Variants in CHRNA4 observed in about 807,000 individuals in gnomAD.
The protein encoded by CHRNA4 is neuronal acetylcholine receptor subunit alpha-4.
A neutral mutation model predicts 48.9 loss-of-function variants in CHRNA4; 28 were observed. That is an observed-to-expected ratio of 0.57 (90% CI 0.42 to 0.79). CHRNA4 has a LOEUF of 0.79. CHRNA4 is among the 30% of genes least tolerant of loss of function. The probability of loss-of-function intolerance (pLI) is 0.00; values close to 1 mark genes in which losing one functional copy is unlikely to be tolerated. For synonymous variants in CHRNA4, 425 were observed against 402.3 expected, an observed-to-expected ratio of 1.06 and a Z score of -0.68; for missense variants, 859 against 898.4, an observed-to-expected ratio of 0.96 and a Z score of 0.56.
At chr20:63,354,580 T>G in intron 4 of CHRNA4, 2 of 530,002 alleles carry the variant, frequency 3.8e-6, no homozygotes, top group Non-Finnish European at 4.4e-6. Context: ...GGTGAGGCTG[T>G]GGAAGTGGGG....
chr20:63,350,980 A>C lies in CHRNA4; in HGVS notation c.431T>G (p.Phe144Cys), dbSNP rs2068588713. 3.7e-6 allele frequency: 6 copies of C among 1,613,552 alleles called. No individual in the cohort carries two copies. Among genetic ancestry groups the C allele is most frequent in the Non-Finnish European group, 5.1e-6 (6 of 1,180,008 alleles). ...AVTHLTKAHL[F>C]HDGRVQWTPP... is the part of the protein sequence containing the mutation. ...AGTCCACTGCACCCGCCCGTCATGG[A>C]ACAGGTGGGCCTTGGTCAGGTGGGT... The change falls in exon 5 of 6, where the codon TTC (phenylalanine) becomes TGC (cysteine). Residue 144 changes from phenylalanine to cysteine, a missense_variant. Coordinates refer to ENST00000370263, the MANE Select transcript of CHRNA4 (RefSeq NM_000744.7).
chr20:63,353,851 CG>C (rs2068663484), intron 4 of CHRNA4, among the ~76,000 whole-genome samples: 1 of 5,810 alleles, frequency 1.7e-4, no homozygotes, highest in African/African-American at 3.2e-4. Flanking sequence ...CTGTGACCCT[CG>C]GGGGGGCTGT....
chr20:63,359,474 C>T, intron 2 of CHRNA4, 74 bp downstream of exon 2: 1 of 1,591,738 alleles, frequency 6.3e-7, no homozygotes, highest in Non-Finnish European at 8.6e-7. Context: ...TGTGTCCCCT[C>T]TGCCCACCCA....
chr20:63,351,346 G>A (rs536753218), intron 4 of CHRNA4, among the ~76,000 whole-genome samples: 9 of 152,288 alleles, frequency 5.9e-5, no homozygotes, highest in Non-Finnish European at 1.0e-4. Context: ...TCACCTACTC[G>A]TGCACCTCAG....
At position 63,344,170 on chromosome 20, in the gene CHRNA4, C is replaced by T. The variant is rs199961012; in HGVS notation, c.*2568G>A. ...GGAGCTACGGACACACACAACAGCA[C>T]GGATGAAGCTCTAAGTCATAGGATG... On this transcript the variant is annotated 3_prime_UTR_variant, in exon 6 of 6. Coordinates refer to ENST00000370263, the MANE Select transcript of CHRNA4 (RefSeq NM_000744.7). This position sits in a 1 kb window ranked among gnomAD's most constrained non-coding sequence, Gnocchi z 4.5. 2.0e-5 allele frequency: 9 copies of T among 454,064 alleles called. No homozygotes were observed. Among genetic ancestry groups the T allele is most frequent in the South Asian group, 1.4e-4 (9 of 64,478 alleles). 28.1% of individuals were successfully genotyped at this position (454,064 alleles called of 1,614,324 possible). A position where few individuals can be genotyped will look rare whatever the true frequency, so the allele number is the denominator to read the frequency against.
chr20:63,345,386 G>A lies in CHRNA4; in HGVS notation c.*1352C>T, dbSNP rs749678118. 2 of 422,714 alleles carry A rather than the reference G, an allele frequency of 4.7e-6. No individual in the cohort carries two copies. Among genetic ancestry groups the A allele is most frequent in the South Asian group, 3.3e-5 (2 of 60,806 alleles). 26.2% of individuals were successfully genotyped at this position (422,714 alleles called of 1,614,324 possible). A position where few individuals can be genotyped will look rare whatever the true frequency, so the allele number is the denominator to read the frequency against. On this transcript the variant is annotated 3_prime_UTR_variant, in exon 6 of 6. Coordinates refer to ENST00000370263, the MANE Select transcript of CHRNA4 (RefSeq NM_000744.7). This position sits in a 1 kb window ranked among gnomAD's most constrained non-coding sequence, Gnocchi z 5.4. Reference sequence around the variant, plus strand: ...CGCCATCCTGGCCCCGCCCCTCTGGGCCCTTGGAATCATGGAGGGGTGGGG... The same window carrying A: ...CGCCATCCTGGCCCCGCCCCTCTGGACCCTTGGAATCATGGAGGGGTGGGG...
At chr20:63,349,526 C>A in intron 5 of CHRNA4, 127 bp downstream of exon 5, 2 of 1,227,778 alleles carry the variant, frequency 1.6e-6, no homozygotes, top group Non-Finnish European at 2.4e-6. Flanking sequence ...AGGGGCCACG[C>A]CCTGCACCCC....
rs1489954548 is a variant in CHRNA4, at chr20:63,345,379, C to G, written c.*1359G>C. 1 of 426,106 alleles carries G rather than the reference C, an allele frequency of 2.3e-6. No homozygotes were observed. The highest frequency in any genetic ancestry group is 4.8e-6 in the Non-Finnish European group (1 of 207,868). The allele number at this position is 426,106 out of a possible 1,614,324, so 26.4% of individuals were successfully genotyped here. ...GGGGACACGCCATCCTGGCCCCGCC[C>G]CTCTGGGCCCTTGGAATCATGGAGG... On this transcript the variant is annotated 3_prime_UTR_variant, in exon 6 of 6. Transcript: ENST00000370263. The surrounding 1 kb of genome is among the most constrained non-coding windows in gnomAD (Gnocchi z 5.4).
intron 2 of CHRNA4, among the ~76,000 whole-genome samples, chr20:63,358,644 T>C (rs2068754578): frequency 6.6e-6 from 1 of 152,168 alleles, no homozygotes. Context: ...CACTCGCAAG[T>C]GGGCCAGCTC....
rs1397071306 is a variant in CHRNA4, at chr20:63,344,777, T to C, written c.*1961A>G. On this transcript the variant is annotated 3_prime_UTR_variant, in exon 6 of 6. Coordinates refer to ENST00000370263, the MANE Select transcript of CHRNA4 (RefSeq NM_000744.7). The surrounding 1 kb of genome is among the most constrained non-coding windows in gnomAD (Gnocchi z 4.5). ...CCTGCCAGCTTCCATGGCCCCGGGATGACCTCACTCTCCCAGGGTCTCCCT... is the reference window on the plus strand; with the variant it reads ...CCTGCCAGCTTCCATGGCCCCGGGACGACCTCACTCTCCCAGGGTCTCCCT... 4.4e-6 allele frequency: 2 copies of C among 453,944 alleles called. No individual in the cohort carries two copies. The highest frequency in any genetic ancestry group is 2.0e-5 in the African/African-American group (1 of 49,994). The allele number at this position is 453,944 out of a possible 1,614,324, so 28.1% of individuals were successfully genotyped here.
rs1303113473 is a variant in CHRNA4, at chr20:63,345,010, G to A, written c.*1728C>T. 14 of 442,608 alleles carry A rather than the reference G, an allele frequency of 3.2e-5. No homozygotes were observed. Among genetic ancestry groups the A allele is most frequent in the Admixed American group, 9.5e-5 (4 of 42,168 alleles). The allele number at this position is 442,608 out of a possible 1,614,324, so 27.4% of individuals were successfully genotyped here. ...CTCAGGACCCCGGTCACAGGCACCC[G>A]GGGGTGGGGGTGACCAGCAGCAGTT... is the stretch of plus-strand genomic sequence containing the variant. On this transcript the variant is annotated 3_prime_UTR_variant, in exon 6 of 6. Transcript: ENST00000370263. The surrounding 1 kb of genome is among the most constrained non-coding windows in gnomAD (Gnocchi z 5.4).
At chr20:63,347,744 GC>G (rs1286895669) in intron 5 of CHRNA4, among the ~76,000 whole-genome samples, 1 of 152,202 alleles carries the variant, frequency 6.6e-6, no homozygotes, top group Non-Finnish European at 1.5e-5. Flanking sequence ...CTGCCTCTGG[GC>G]CCGGCCGTGA....
Position 63,345,338 on chromosome 20 carries a change from A to T in CHRNA4, c.*1400T>A, listed in dbSNP as rs921893818. The T allele has an allele frequency of 2.2e-6, 1 of 451,252 alleles. No homozygotes were observed. The highest frequency in any genetic ancestry group is 4.4e-6 in the Non-Finnish European group (1 of 224,868). The allele number at this position is 451,252 out of a possible 1,614,324, so 28.0% of individuals were successfully genotyped here. ...TTCCTGACTGTCTCCTCCTGAACCGATGTCACTCACAGGCAGGGGACACGC... is the reference window on the plus strand; with the variant it reads ...TTCCTGACTGTCTCCTCCTGAACCGTTGTCACTCACAGGCAGGGGACACGC... On this transcript the variant is annotated 3_prime_UTR_variant, in exon 6 of 6. Coordinates refer to ENST00000370263, the MANE Select transcript of CHRNA4 (RefSeq NM_000744.7). This position sits in a 1 kb window ranked among gnomAD's most constrained non-coding sequence, Gnocchi z 5.4.
chr20:63,343,596 C>T lies in CHRNA4; in HGVS notation c.*3142G>A, dbSNP rs761387318. ...GAGGCCAGCCATTGAGAGATTACCA[C>T]GCTTCCTGAGAGGAGGGCCACGTCG... On this transcript the variant is annotated 3_prime_UTR_variant, in exon 6 of 6. Coordinates refer to ENST00000370263, the MANE Select transcript of CHRNA4 (RefSeq NM_000744.7). 1 of 454,122 alleles carries T rather than the reference C, an allele frequency of 2.2e-6. No homozygotes were observed. Among genetic ancestry groups the T allele is most frequent in the Non-Finnish European group, 4.4e-6 (1 of 226,778 alleles). The allele number at this position is 454,122 out of a possible 1,614,324, so 28.1% of individuals were successfully genotyped here.
intron 2 of CHRNA4, 173 bp from the exon 3 acceptor site, chr20:63,356,588 G>A: frequency 4.4e-6 from 3 of 685,054 alleles, no homozygotes; most frequent in Non-Finnish European, 7.9e-6. Flanking sequence ...AGCCCAGGAT[G>A]GGGACTCTGA....
rs1178463820 is a variant in CHRNA4, at chr20:63,344,167, G to A, written c.*2571C>T. 2.2e-6 allele frequency: 1 copy of A among 454,062 alleles called. No individual in the cohort carries two copies. Among genetic ancestry groups the A allele is most frequent in the East Asian group, 7.0e-5 (1 of 14,384 alleles). The allele number at this position is 454,062 out of a possible 1,614,324, so 28.1% of individuals were successfully genotyped here. On this transcript the variant is annotated 3_prime_UTR_variant, in exon 6 of 6. Coordinates refer to ENST00000370263, the MANE Select transcript of CHRNA4 (RefSeq NM_000744.7). This position sits in a 1 kb window ranked among gnomAD's most constrained non-coding sequence, Gnocchi z 4.5. ...CAAGGAGCTACGGACACACACAACA[G>A]CACGGATGAAGCTCTAAGTCATAGG...
At chr20:63,354,517 TG>T in intron 4 of CHRNA4, 6 of 906,418 alleles carry the variant, frequency 6.6e-6, no homozygotes, top group Non-Finnish European at 7.8e-6. Context: ...ACTGTGGTCC[TG>T]GGGGAGCTGT....
At chr20:63,358,054 C>T (rs2068745647) in intron 2 of CHRNA4, among the ~76,000 whole-genome samples, 1 of 152,156 alleles carries the variant, frequency 6.6e-6, no homozygotes, top group Non-Finnish European at 1.5e-5. Flanking sequence ...ACTTTGCAGC[C>T]GTGTTTGCAA....
chr20:63,358,610 C>A (rs1056744412), intron 2 of CHRNA4, among the ~76,000 whole-genome samples: 3 of 152,222 alleles, frequency 2.0e-5, no homozygotes, highest in African/African-American at 4.8e-5. Context: ...CGAGCCCCTG[C>A]AGCTCAGCTG....
Sources: gnomAD v4.1 joint callset for allele counts (sites outside exome capture counted in the v4.1 genomes callset) on GRCh38, gnomAD v4.1.1 for gene constraint, Gnocchi (gnomAD v3.1) non-coding constraint, MANE v1.5 for transcripts, NCBI Gene and HGNC (gene_info 2026-07-23, HGNC 2026-07-21) for gene names.